Variants in RUNX1 observed in about 807,000 individuals in gnomAD.
RUNX1 encodes runt-related transcription factor 1.
A neutral mutation model predicts 42.8 loss-of-function variants in RUNX1; 19 were observed. The ratio of observed to expected loss-of-function variants is 0.44; its 90% CI spans 0.31 to 0.65. RUNX1 has a LOEUF of 0.65. RUNX1 is among the 30% of genes least tolerant of loss of function. RUNX1 has a pLI of 0.07. For missense variants in RUNX1, 528 were observed against 672.0 expected (o/e 0.79, Z 2.37); for synonymous variants, 271 against 289.4 (o/e 0.94, Z 0.64).
chr21:34,823,430 G>GTTTTTTTTT (rs56957776), intron 7 of RUNX1, among the ~76,000 whole-genome samples: 1,194 of 99,544 alleles, frequency 0.012, 95 homozygotes, highest in African/African-American at 0.024. Flanking sequence ...TTCCTGGTGG[G>GTTTTTTTTT]TTTTTTTTTT....
At chr21:34,961,168 A>C (rs1443220951) in intron 2 of RUNX1, among the ~76,000 whole-genome samples, 1 of 151,980 alleles carries the variant, frequency 6.6e-6, no homozygotes, top group Non-Finnish European at 1.5e-5. Context: ...GAGGTCAGGA[A>C]ATCGAGACCA....
chr21:34,855,913 T>C (rs2057489614), intron 6 of RUNX1, among the ~76,000 whole-genome samples: 2 of 152,328 alleles, frequency 1.3e-5, no homozygotes, highest in South Asian at 4.1e-4. Context: ...ATGGTGCTCT[T>C]GCTCCATGAT....
chr21:34,823,430 G>GTTTTTTTTTTTTTTTTT (rs56957776), intron 7 of RUNX1, among the ~76,000 whole-genome samples: 2 of 99,712 alleles, frequency 2.0e-5, no homozygotes, highest in African/African-American at 1.0e-4. Flanking sequence ...TTCCTGGTGG[G>GTTTTTTTTTTTTTTTTT]TTTTTTTTTT....
intron 2 of RUNX1, among the ~76,000 whole-genome samples, chr21:35,039,859 C>T (rs1883066): frequency 6.6e-6 from 1 of 152,050 alleles, no homozygotes; most frequent in Admixed American, 6.5e-5. Context: ...AAGTAAAAGC[C>T]ATTCTCATCT....
rs1165711149 is a variant in RUNX1, at chr21:34,907,980, CTG to C, written c.59-15019_59-15018del. 6.6e-6 allele frequency among the ~76,000 whole-genome samples: 1 copy of C among 152,182 alleles called. No individual in the cohort carries two copies. Among genetic ancestry groups the C allele is most frequent in the East Asian group, 1.9e-4 (1 of 5,198 alleles). On this transcript the variant is annotated intron_variant, in intron 2 of 8. Transcript: ENST00000675419. The surrounding 1 kb of genome is among the most constrained non-coding windows in gnomAD (Gnocchi z 5.3). ...CTAAGCTCCCGAAACAGTGGCTGATCTGGGACCCCCTGACCTGTGAATTTGTG... is the reference window on the plus strand; with the variant it reads ...CTAAGCTCCCGAAACAGTGGCTGATCGGACCCCCTGACCTGTGAATTTGTG...
At chr21:34,895,811 C>T (rs769959063) in intron 2 of RUNX1, among the ~76,000 whole-genome samples, 2 of 151,750 alleles carry the variant, frequency 1.3e-5, no homozygotes, top group African/African-American at 4.9e-5. Context: ...CTTCAACATG[C>T]GGGAAAATTG....
At chr21:34,893,306 C>T (rs986288320) in intron 2 of RUNX1, among the ~76,000 whole-genome samples, 2 of 152,052 alleles carry the variant, frequency 1.3e-5, no homozygotes, top group African/African-American at 4.8e-5. Flanking sequence ...CATTAGAATT[C>T]AAGGGAAAAT....
At chr21:35,007,094 G>C (rs967105284) in intron 2 of RUNX1, among the ~76,000 whole-genome samples, 11 of 152,152 alleles carry the variant, frequency 7.2e-5, no homozygotes, top group African/African-American at 2.7e-4. Flanking sequence ...TCAAAGACTC[G>C]GGAAAGAGAA....
intron 2 of RUNX1, among the ~76,000 whole-genome samples, chr21:35,009,240 C>T (rs1407022065): frequency 6.6e-6 from 1 of 152,212 alleles, no homozygotes; most frequent in Non-Finnish European, 1.5e-5. Flanking sequence ...ATAAAACTCT[C>T]TGCTAGATCA....
intron 2 of RUNX1, among the ~76,000 whole-genome samples, chr21:34,970,466 C>A (rs1490772759): frequency 6.6e-6 from 1 of 152,212 alleles, no homozygotes; most frequent in African/African-American, 2.4e-5. Context: ...AGGGGCACTG[C>A]TGTTTTATTC....
At chr21:34,840,150 G>T (rs914629184) in intron 6 of RUNX1, among the ~76,000 whole-genome samples, 5 of 152,190 alleles carry the variant, frequency 3.3e-5, no homozygotes, top group African/African-American at 1.2e-4. Flanking sequence ...TCTCAAGTAG[G>T]AAGTAATTTC....
At chr21:34,875,939 T>C (rs575138514) in intron 5 of RUNX1, among the ~76,000 whole-genome samples, 56 of 152,302 alleles carry the variant, frequency 3.7e-4, no homozygotes, top group Admixed American at 1.3e-3. Flanking sequence ...ATAACCCAGA[T>C]TGTGACAGGA....
At chr21:34,812,861 T>C (rs1164232619) in intron 7 of RUNX1, among the ~76,000 whole-genome samples, 2 of 152,068 alleles carry the variant, frequency 1.3e-5, no homozygotes, top group Non-Finnish European at 2.9e-5. Flanking sequence ...TTAAAAAAAT[T>C]AAATGTAGAG....
chr21:34,924,480 G>A lies in RUNX1; in HGVS notation c.59-31517C>T, dbSNP rs373460982. Among the ~76,000 whole-genome samples, 24 of 152,276 alleles carry A rather than the reference G, an allele frequency of 1.6e-4. No homozygotes were observed. The East Asian group carries it at 2.9e-3, about 18-fold the overall frequency. The stretch of plus-strand genomic sequence containing the variant: ...AAGGACAGTAGGAAATTGACCTGTG[G>A]CTGTGGTGTGTTGGTGATGAGAAGA... On this transcript the variant is annotated intron_variant, in intron 2 of 8. Transcript: ENST00000675419.
At chr21:34,846,255 T>C (rs1324596397) in intron 6 of RUNX1, among the ~76,000 whole-genome samples, 1 of 148,912 alleles carries the variant, frequency 6.7e-6, no homozygotes, top group Non-Finnish European at 1.5e-5. Context: ...GTTAGGAAGA[T>C]TTCCCCTACT....
chr21:34,888,655 G>T (rs574228402), intron 3 of RUNX1: 31 of 1,049,600 alleles, frequency 3.0e-5, no homozygotes, highest in African/African-American at 1.5e-4. Flanking sequence ...GTCCGGCCGC[G>T]GGGCGCCCGT....
chr21:34,812,852 T>A lies in RUNX1; in HGVS notation c.806-13390A>T, dbSNP rs185863079. 4.2e-3 allele frequency among the ~76,000 whole-genome samples: 641 copies of A among 152,170 alleles called. 3 individuals are homozygous for A. The highest frequency in any genetic ancestry group is 4.6e-3 in the Non-Finnish European group (314 of 67,984). On this transcript the variant is annotated intron_variant, in intron 7 of 8. Transcript: ENST00000675419. ...TGGGCTAAAATGGAGTAATTTTTTT[T>A]AAAAAAATTAAATGTAGAGGTTGAG...
intron 8 of RUNX1, among the ~76,000 whole-genome samples, chr21:34,794,400 A>G (rs1381052039): frequency 2.6e-5 from 4 of 152,162 alleles, no homozygotes; most frequent in African/African-American, 9.7e-5. Flanking sequence ...CTAGTTCCAC[A>G]ATTTTAGAAA....
chr21:34,883,623 A>G (rs187170919), intron 4 of RUNX1, among the ~76,000 whole-genome samples: 40 of 152,314 alleles, frequency 2.6e-4, no homozygotes, highest in African/African-American at 9.6e-4. Context: ...CCAAACAGGC[A>G]AGAAGGGACT....
Sources: gnomAD v4.1 joint callset for allele counts (sites outside exome capture counted in the v4.1 genomes callset) on GRCh38, gnomAD v4.1.1 for gene constraint, Gnocchi (gnomAD v3.1) non-coding constraint, MANE v1.5 for transcripts, NCBI Gene and HGNC (gene_info 2026-07-23, HGNC 2026-07-21) for gene names.